The following LTF variants were observed in gnomAD, a reference collection of about 807,000 sequenced individuals.
The protein encoded by LTF is lactotransferrin, also known as epididymis luminal protein 110.
In LTF, 91 loss-of-function variants were observed where a neutral mutation model predicts 87.2. That is an observed-to-expected ratio of 1.04 (90% CI 0.88 to 1.24). The LOEUF (loss-of-function observed/expected upper bound fraction) is 1.24. LTF is among the 50% of genes most tolerant of loss of function. The pLI is 0.00. For synonymous variants in LTF, 378 were observed against 356.1 expected, an observed-to-expected ratio of 1.06 and a Z score of -0.69; for missense variants, 901 against 904.3, an observed-to-expected ratio of 1.00 and a Z score of 0.05.
rs185577528 is a variant in LTF, at chr3:46,437,939, C to G, written c.2098+1G>C. On this transcript the variant is annotated splice_donor_variant, in intron 16 of 16. Transcript: ENST00000231751. LOFTEE classifies it high-confidence loss of function. ...GGGGATGCTAGCTAGGGTCTACTTA[C>G]GGGAGGTTGAGCACTTTTTCAGATT... is the stretch of plus-strand genomic sequence containing the variant. The G allele has an allele frequency of 3.1e-6, 5 of 1,613,408 alleles. No homozygotes were observed. Among genetic ancestry groups the G allele is most frequent in the Admixed American group, 3.3e-5 (2 of 59,928 alleles).
chr3:46,444,460 C>T (rs1345698226), intron 12 of LTF, among the ~76,000 whole-genome samples: 1 of 131,428 alleles, frequency 7.6e-6, no homozygotes, highest in Non-Finnish European at 1.6e-5. Flanking sequence ...GACAAGAAAG[C>T]TCTGCCCCAC....
At position 46,443,442 on chromosome 3, in the gene LTF, G is replaced by A. The variant is rs775393601; in HGVS notation, c.1654C>T (p.Arg552Trp). The A allele has an allele frequency of 3.9e-5, 63 of 1,613,982 alleles. No homozygotes were observed. The highest frequency in any genetic ancestry group is 3.3e-4 in the Middle Eastern group (2 of 6,034). The part of the protein sequence containing the change: ...ERYYGYTGAF[R>W]CLAENAGDVA... ...GATGGAGCTCAGTCACAGACTCACC[G>A]GAAAGCCCCAGTGTAGCCGTAGTAT... The change falls in exon 13 of 17, where the codon CGG (arginine) becomes TGG (tryptophan). Residue 552 changes from arginine to tryptophan, a missense_variant and splice_region_variant. Physicochemically the swap from Arg to Trp is moderately radical, Grantham distance 101. Coordinates refer to ENST00000231751, the MANE Select transcript of LTF (RefSeq NM_002343.6).
chr3:46,475,365 C>T (rs756827839), intron 1 of LTF, among the ~76,000 whole-genome samples: 2 of 152,188 alleles, frequency 1.3e-5, no homozygotes, highest in Non-Finnish European at 1.5e-5. Flanking sequence ...TTCCACACAA[C>T]CTCTTCCAAA....
At chr3:46,478,667 G>A (rs1342482460) in intron 1 of LTF, among the ~76,000 whole-genome samples, 2 of 152,236 alleles carry the variant, frequency 1.3e-5, no homozygotes, top group African/African-American at 2.4e-5. Flanking sequence ...TGAGGAACTA[G>A]TGGGTGGGCC....
chr3:46,464,118 C>A (rs890992339), intron 1 of LTF, among the ~76,000 whole-genome samples: 27 of 152,324 alleles, frequency 1.8e-4, no homozygotes, highest in African/African-American at 5.8e-4. Context: ...GAGCTCCGCA[C>A]TCACGCATTT....
intron 11 of LTF, among the ~76,000 whole-genome samples, chr3:46,446,169 C>T (rs1002581345): frequency 1.3e-5 from 2 of 152,122 alleles, no homozygotes. Flanking sequence ...GTTTCCTCAT[C>T]CCCATGAGGT....
In LTF at chr3:46,450,548, G is replaced by C. The variant is rs771749399; in HGVS notation, c.829C>G (p.Arg277Gly). Residue 277 changes from arginine to glycine, a missense_variant, in exon 7 of 17, where the codon CGA (arginine) becomes GGA (glycine). Arg to Gly is a moderately radical substitution (Grantham distance 125). Coordinates refer to ENST00000231751, the MANE Select transcript of LTF (RefSeq NM_002343.6). ...ARVPSHAVVA[R>G]SVNGKEDAIW... ...GCATCCTCCTTGCCATTCACACTTC[G>C]TGCCACAACGGCATGAGAAGGGACC... 2.3e-5 allele frequency: 37 copies of C among 1,614,080 alleles called. No homozygotes were observed. The highest frequency in any genetic ancestry group is 3.1e-5 in the Non-Finnish European group (37 of 1,180,032).
chr3:46,479,449 G>A (rs1398592475), intron 1 of LTF, among the ~76,000 whole-genome samples: 7 of 152,246 alleles, frequency 4.6e-5, no homozygotes, highest in Non-Finnish European at 8.8e-5. Context: ...CAAGTGGGGA[G>A]CAGAGAGATG....
At chr3:46,475,654 T>C (rs777334883) in intron 1 of LTF, among the ~76,000 whole-genome samples, 11 of 152,054 alleles carry the variant, frequency 7.2e-5, no homozygotes, top group Admixed American at 7.2e-4. Flanking sequence ...CTGCAGCCAA[T>C]TGACCATTAG....
chr3:46,454,221 G>A (rs1702868888), intron 6 of LTF, 84 bp downstream of exon 6: 1 of 1,184,732 alleles, frequency 8.4e-7, no homozygotes, highest in African/African-American at 1.6e-5. Flanking sequence ...CATGAACTTA[G>A]GAATCTAATT....
At position 46,458,402 on chromosome 3, in the gene LTF, C is replaced by T. The variant is rs149740380; in HGVS notation, c.207+1254G>A. 1.2e-3 allele frequency among the ~76,000 whole-genome samples: 185 copies of T among 152,292 alleles called. 2 individuals carry two copies. Among genetic ancestry groups the T allele is most frequent in the African/African-American group, 4.3e-3 (178 of 41,566 alleles). On this transcript the variant is annotated intron_variant, in intron 2 of 16. Coordinates refer to ENST00000231751, the MANE Select transcript of LTF (RefSeq NM_002343.6). The stretch of plus-strand genomic sequence containing the variant: ...TGATTTCAAACAGGGATCTTATTTT[C>T]CGAGATCAGACGAGATCAGACGCGT...
rs145236642 is a variant in LTF, at chr3:46,439,326, T to C, written c.1878A>G (p.Glu626=). 939 of 1,613,818 alleles carry C rather than the reference T, an allele frequency of 5.8e-4. No homozygotes were observed. Among genetic ancestry groups the C allele is most frequent in the Non-Finnish European group, 7.3e-4 (862 of 1,179,834 alleles). Residue 626 remains glutamate (E), a synonymous_variant, in exon 15 of 17, where the codon GAA becomes GAG. Transcript: ENST00000231751. The part of the protein sequence containing the change: ...HAVVSRMDKV[E]RLKQVLLHQQ... ...GGTGGAGCAACACCTGTTTCAGGCG[T>C]TCCACCTTATCCATCCGAGACACCA...
chr3:46,450,761 TTTGAGC>T lies in LTF; in HGVS notation c.704-94_704-89del, dbSNP rs1367765571. 3 of 1,180,826 alleles carry T rather than the reference TTTGAGC, an allele frequency of 2.5e-6. No homozygotes were observed. The African/African-American group carries it at 4.6e-5, about 18-fold the overall frequency. The allele number at this position is 1,180,826 out of a possible 1,614,324, so 73.1% of individuals were successfully genotyped here. On this transcript the variant is annotated intron_variant, in intron 6 of 16. Coordinates refer to ENST00000231751, the MANE Select transcript of LTF (RefSeq NM_002343.6). Reference sequence around the variant, plus strand: ...ATAGTTCCCCTTCTCCCTATAGAATTTTGAGCTTGGGGAGATAGCTGACAAAACTGA... The same window carrying T: ...ATAGTTCCCCTTCTCCCTATAGAATTTTGGGGAGATAGCTGACAAAACTGA...
intron 1 of LTF, among the ~76,000 whole-genome samples, chr3:46,480,461 C>T (rs201432082): frequency 1.3e-5 from 2 of 152,198 alleles, no homozygotes; most frequent in East Asian, 3.8e-4. Context: ...CACTCTCCTG[C>T]CTTATTTCAT....
At chr3:46,466,880 G>T (rs1445876763), upstream of LTF, among the ~76,000 whole-genome samples, 2 of 152,174 alleles carry the variant, frequency 1.3e-5, no homozygotes, top group Non-Finnish European at 2.9e-5. Context: ...CATAACCCGT[G>T]TCTCTTTTTC....
intron 1 of LTF, among the ~76,000 whole-genome samples, chr3:46,475,852 A>G (rs1444846987): frequency 1.3e-5 from 2 of 152,064 alleles, no homozygotes; most frequent in East Asian, 3.8e-4. Flanking sequence ...ACCCCACACC[A>G]TCTCCCAACC....
intron 1 of LTF, among the ~76,000 whole-genome samples, chr3:46,480,142 C>T (rs958583074): frequency 1.3e-5 from 2 of 152,180 alleles, no homozygotes; most frequent in African/African-American, 2.4e-5. Flanking sequence ...CTCCCTGACT[C>T]GCTGCCATTC....
chr3:46,449,101 G>C, intron 8 of LTF, 84 bp from the exon 9 acceptor site: 1 of 1,318,602 alleles, frequency 7.6e-7, no homozygotes, highest in Non-Finnish European at 1.0e-6. Flanking sequence ...GTCCTGCCCA[G>C]ACTCTCCCTG....
upstream of LTF, among the ~76,000 whole-genome samples, chr3:46,468,535 C>G (rs928991104): frequency 6.6e-6 from 1 of 152,172 alleles, no homozygotes; most frequent in Non-Finnish European, 1.5e-5. Context: ...AGGCCCAAGC[C>G]CCATTAGCAG....
Sources: allele counts gnomAD v4.1 joint callset (sites outside exome capture counted in the v4.1 genomes callset), GRCh38; gene constraint gnomAD v4.1.1; transcripts MANE v1.5; gene names NCBI Gene and HGNC (gene_info 2026-07-23, HGNC 2026-07-21).